The following PDE4D variants were observed in gnomAD, a reference collection of about 807,000 sequenced individuals.
PDE4D encodes phosphodiesterase 4D, also known as 3',5'-cyclic-AMP phosphodiesterase 4D.
Under a neutral mutation model 87.4 loss-of-function variants are expected in PDE4D, and 24 were observed. The observed-to-expected ratio is 0.27, with a 90% CI of 0.20 to 0.39. The LOEUF (loss-of-function observed/expected upper bound fraction) is 0.39. Ranked by LOEUF, PDE4D falls within the 10% of genes least tolerant of loss-of-function variation. The pLI is 1.00. For missense variants in PDE4D, 714 were observed against 1,041.0 expected, an observed-to-expected ratio of 0.69 and a Z score of 4.32; for synonymous variants, 384 against 383.2, an observed-to-expected ratio of 1.00 and a Z score of -0.02.
intron 4 of PDE4D, among the ~76,000 whole-genome samples, chr5:59,183,142 A>G (rs1277442140): frequency 1.3e-5 from 2 of 152,200 alleles, no homozygotes; most frequent in Non-Finnish European, 2.9e-5. Flanking sequence ...AGCCGTGAAT[A>G]GATTGAATCC....
At chr5:59,223,356 T>A (rs1752982814) in intron 1 of PDE4D, among the ~76,000 whole-genome samples, 1 of 152,084 alleles carries the variant, frequency 6.6e-6, no homozygotes. Context: ...AGACACAGGG[T>A]GTAGCTTGGG....
chr5:59,067,099 C>T (rs1317480581), intron 5 of PDE4D, among the ~76,000 whole-genome samples: 4 of 152,004 alleles, frequency 2.6e-5, no homozygotes, highest in Non-Finnish European at 5.9e-5. Flanking sequence ...ACTGCACCCT[C>T]TCCTTCCCAG....
intron 1 of PDE4D, among the ~76,000 whole-genome samples, chr5:60,209,187 C>CTTTTTT (rs58524375): frequency 1.5e-3 from 166 of 108,362 alleles, no homozygotes; most frequent in East Asian, 2.7e-3. Context: ...TTCTTTTTTT[C>CTTTTTT]TTTTTTTTTT....
chr5:59,904,081 G>T (rs1331478036), intron 3 of PDE4D, among the ~76,000 whole-genome samples: 1 of 152,038 alleles, frequency 6.6e-6, no homozygotes, highest in African/African-American at 2.4e-5. Flanking sequence ...ATGCACTCAA[G>T]AATTTGCTGC....
chr5:59,498,034 GA>G (rs971993361), intron 1 of PDE4D, among the ~76,000 whole-genome samples: 2 of 151,274 alleles, frequency 1.3e-5, no homozygotes, highest in Admixed American at 6.6e-5. Context: ...CATTTTTAAA[GA>G]AAAAAAATGC....
intron 3 of PDE4D, among the ~76,000 whole-genome samples, chr5:59,985,124 G>GTTGTTTTTTTT (rs1762290009): frequency 9.0e-6 from 1 of 111,268 alleles, no homozygotes; most frequent in Non-Finnish European, 1.9e-5. Flanking sequence ...TTCACCTTTC[G>GTTGTTTTTTTT]TTTTTTGTTT....
In PDE4D at chr5:59,867,832, T is replaced by C. The variant is rs182680785; in HGVS notation, c.455+25336A>G. 2.0e-5 allele frequency among the ~76,000 whole-genome samples: 3 copies of C among 152,302 alleles called. No homozygotes were observed. The East Asian group carries it at 5.8e-4, about 29-fold the overall frequency. The stretch of plus-strand genomic sequence containing the variant: ...TAGGGAAGATAAGCAGGAAGCAGAA[T>C]ATGATATATTATGTCTTAGCATTTG... On this transcript the variant is annotated intron_variant, in intron 1 of 14. Coordinates refer to ENST00000340635, the MANE Select transcript of PDE4D (RefSeq NM_001104631.2).
chr5:59,346,985 A>G (rs1163878932), intron 1 of PDE4D, among the ~76,000 whole-genome samples: 1 of 152,176 alleles, frequency 6.6e-6, no homozygotes, highest in Non-Finnish European at 1.5e-5. Context: ...GTACAACCTG[A>G]AGATGGCAGA....
At chr5:59,430,265 A>G in intron 1 of PDE4D, 1 of 1,230,868 alleles carries the variant, frequency 8.1e-7, no homozygotes, top group Non-Finnish European at 1.0e-6. Flanking sequence ...TTTCACTGAC[A>G]AACAACTAGA....
intron 1 of PDE4D, among the ~76,000 whole-genome samples, chr5:59,784,905 T>C (rs1385690031): frequency 6.6e-6 from 1 of 151,656 alleles, no homozygotes; most frequent in Non-Finnish European, 1.5e-5. Context: ...CCCTTTTTCA[T>C]GGTTTTTCTC....
chr5:59,754,885 A>G lies in PDE4D; in HGVS notation c.455+138283T>C, dbSNP rs543050701. Among the ~76,000 whole-genome samples the G allele has an allele frequency of 2.9e-4, 42 of 146,948 alleles. No individual in the cohort carries two copies. The South Asian group carries it at 8.3e-3, about 29-fold the overall frequency. ...TTACAGTGTGGGAAAACAGAGTACC[A>G]ACATACTTTCTGCTTAGGGATTAGC... On this transcript the variant is annotated intron_variant, in intron 1 of 14. Coordinates refer to ENST00000340635, the MANE Select transcript of PDE4D (RefSeq NM_001104631.2).
At chr5:59,360,955 C>T (rs552587705) in intron 1 of PDE4D, among the ~76,000 whole-genome samples, 19 of 152,206 alleles carry the variant, frequency 1.2e-4, no homozygotes, top group African/African-American at 4.3e-4. Flanking sequence ...TAGACTAAAA[C>T]AATCAATAAG....
At chr5:59,674,990 T>C (rs548856517) in intron 1 of PDE4D, among the ~76,000 whole-genome samples, 1 of 152,336 alleles carries the variant, frequency 6.6e-6, no homozygotes, top group African/African-American at 2.4e-5. Context: ...TGCGTCATTA[T>C]GAATCACATA....
intron 1 of PDE4D, among the ~76,000 whole-genome samples, chr5:60,335,344 A>G (rs1189764850): frequency 6.6e-6 from 1 of 152,180 alleles, no homozygotes; most frequent in Non-Finnish European, 1.5e-5. Flanking sequence ...GAAAAATTAC[A>G]AAGGGTTGGT....
At chr5:59,752,732 C>G (rs1238461721) in intron 1 of PDE4D, among the ~76,000 whole-genome samples, 2 of 152,152 alleles carry the variant, frequency 1.3e-5, no homozygotes, top group Admixed American at 1.3e-4. Context: ...GCCCCCACCA[C>G]AAAGCATCAT....
chr5:59,183,420 A>G (rs1336671888), intron 4 of PDE4D, among the ~76,000 whole-genome samples: 1 of 152,198 alleles, frequency 6.6e-6, no homozygotes, highest in African/African-American at 2.4e-5. Context: ...GCATAGAAAC[A>G]GGCCTCAGAT....
intron 1 of PDE4D, among the ~76,000 whole-genome samples, chr5:59,366,230 T>A (rs1197277590): frequency 1.3e-5 from 2 of 152,214 alleles, no homozygotes; most frequent in Non-Finnish European, 2.9e-5. Context: ...ATTGTGCCTA[T>A]GTTTAACCTA....
intron 1 of PDE4D, among the ~76,000 whole-genome samples, chr5:59,819,343 G>T (rs912356365): frequency 6.6e-6 from 1 of 152,080 alleles, no homozygotes; most frequent in African/African-American, 2.4e-5. Context: ...GCAGTTATCT[G>T]GCAGCTTCTT....
At chr5:59,175,912 G>A (rs1355798994) in intron 5 of PDE4D, among the ~76,000 whole-genome samples, 1 of 151,090 alleles carries the variant, frequency 6.6e-6, no homozygotes, top group Non-Finnish European at 1.5e-5. Flanking sequence ...TTATAGGGGT[G>A]TGCCACCATG....
Sources: gnomAD v4.1 joint callset for allele counts (sites outside exome capture counted in the v4.1 genomes callset) on GRCh38, gnomAD v4.1.1 for gene constraint, MANE v1.5 for transcripts, NCBI Gene and HGNC (gene_info 2026-07-23, HGNC 2026-07-21) for gene names.